IQANK1: variants seen among roughly 807,000 people sequenced by gnomAD.
IQANK1 encodes IQ motif and ankyrin repeat containing 1, also known as IQ motif and ankyrin repeat domain-containing protein 1.
Under a neutral mutation model 22.6 loss-of-function variants are expected in IQANK1, and 30 were observed. The observed-to-expected ratio is 1.33, with a 90% CI of 0.99 to 1.80. The LOEUF is 1.80. Ranked by LOEUF, IQANK1 falls within the 40% of genes most tolerant of loss-of-function variation. IQANK1 has a pLI of 0.00. For missense variants in IQANK1, 275 were observed against 235.2 expected (o/e 1.17, Z -1.11); for synonymous variants, 122 against 99.6 (o/e 1.23, Z -1.34).
intron 3 of IQANK1, among the ~76,000 whole-genome samples, chr8:143,764,661 A>G (rs7462131): frequency 0.4 from 61,396 of 152,062 alleles, 16,563 homozygotes; most frequent in African/African-American, 0.77. Context: ...AACATTTGAT[A>G]AATAATCCAA....
chr8:143,770,540 T>C (rs1554629650), intron 3 of IQANK1, among the ~76,000 whole-genome samples: 2 of 152,204 alleles, frequency 1.3e-5, no homozygotes, highest in Admixed American at 6.5e-5. Context: ...CAGTCTCGCC[T>C]CATCCCGCCA....
intron 7 of IQANK1, among the ~76,000 whole-genome samples, chr8:143,784,298 C>T (rs1819848073): frequency 6.6e-6 from 1 of 152,116 alleles, no homozygotes; most frequent in African/African-American, 2.4e-5. Flanking sequence ...AGTGAGTTCT[C>T]ATGAGATCTG....
rs1488539151 is a variant in IQANK1 at position 143,788,335 on chromosome 8, G to A, written c.790-580G>A. ...ATCACCCCTGCTCCACAGACAAGGA[G>A]GGCCAGGCACAGGAAGTCAGGGACT... is the stretch of plus-strand genomic sequence containing the variant. On this transcript the variant is annotated intron_variant, in intron 7 of 13. Transcript: ENST00000527139. Among the ~76,000 whole-genome samples, 11 of 152,352 alleles carry A rather than the reference G, an allele frequency of 7.2e-5. No individual in the cohort carries two copies. In the East Asian group the frequency reaches 2.1e-3, roughly 29 times the overall value.
chr8:143,745,154 C>T (rs1345311345), intron 3 of IQANK1: 8 of 152,266 alleles, frequency 5.3e-5, no homozygotes, highest in Admixed American at 2.0e-4. Flanking sequence ...GCCTCCTCTT[C>T]AGTTTGGCAG....
intron 3 of IQANK1, among the ~76,000 whole-genome samples, chr8:143,766,017 GTGTTC>G (rs1403312654): frequency 1.3e-5 from 2 of 152,188 alleles, no homozygotes; most frequent in Non-Finnish European, 2.9e-5. Flanking sequence ...GCTGACGTGG[GTGTTC>G]TGATTTCCCT....
At chr8:143,747,957 C>CCTTTCCTTTG (rs1563769895) in intron 3 of IQANK1, among the ~76,000 whole-genome samples, 2 of 108,930 alleles carry the variant, frequency 1.8e-5, no homozygotes, top group Non-Finnish European at 3.8e-5. Context: ...CCTTTCCTTT[C>CCTTTCCTTTG]CTTTCCTTTC....
At chr8:143,742,865 T>G (rs4074642) in intron 3 of IQANK1, 302,442 of 455,974 alleles carry the variant, frequency 0.66, 108,177 homozygotes, top group Non-Finnish European at 0.77. Context: ...GTCACGGTGC[T>G]AAGGGGCCTG....
At chr8:143,740,539 CCCT>C (rs1818879772) in intron 3 of IQANK1, among the ~76,000 whole-genome samples, 1 of 152,270 alleles carries the variant, frequency 6.6e-6, no homozygotes, top group South Asian at 2.1e-4. Context: ...CCGCTGCCTG[CCCT>C]CCTGCTTCTG....
chr8:143,741,700 A>T (rs1284069974), intron 3 of IQANK1: 1 of 152,608 alleles, frequency 6.6e-6, no homozygotes, highest in East Asian at 1.9e-4. Context: ...CACCCAGCTG[A>T]CATGCCTTCG....
Position 143,735,763 on chromosome 8 carries a change from T to G in IQANK1, c.-4-87T>G. On this transcript the variant is annotated intron_variant, in intron 1 of 13. Transcript: ENST00000527139. The surrounding 1 kb of genome is among the most constrained non-coding windows in gnomAD (Gnocchi z 5.2). ...CTGCTGTCATCCACTCAGGCGCCCA[T>G]GGTGTGCCCTGTTCCCCACTGCCAC... 1.5e-6 allele frequency: 1 copy of G among 678,348 alleles called. No individual in the cohort carries two copies. The highest frequency in any genetic ancestry group is 2.1e-5 in the Admixed American group (1 of 48,686). 42.0% of individuals were successfully genotyped at this position (678,348 alleles called of 1,614,324 possible).
chr8:143,737,875 G>A (rs1460560095), intron 2 of IQANK1, among the ~76,000 whole-genome samples: 1 of 152,234 alleles, frequency 6.6e-6, no homozygotes, highest in Admixed American at 6.5e-5. Context: ...CCTGGGCCAG[G>A]CACAGCTGGA....
intron 7 of IQANK1, among the ~76,000 whole-genome samples, chr8:143,781,611 TGTTGAA>T (rs1819799539): frequency 6.6e-6 from 1 of 152,184 alleles, no homozygotes; most frequent in African/African-American, 2.4e-5. Context: ...TTGTCAGCTT[TGTTGAA>T]GATCAGGTGG....
chr8:143,775,787 T>TACACACACACACACACAC lies in IQANK1; in HGVS notation c.789+3324_789+3341dup, dbSNP rs35665050. 2.2e-3 allele frequency among the ~76,000 whole-genome samples: 280 copies of TACACACACACACACACAC among 129,484 alleles called. 1 individual carries two copies. The highest frequency in any genetic ancestry group is 7.5e-3 in the Middle Eastern group (2 of 268). The allele number at this position is 129,484 out of a possible 152,430, so 84.9% of individuals were successfully genotyped here. A position where few individuals can be genotyped will look rare whatever the true frequency, so the allele number is the denominator to read the frequency against. On this transcript the variant is annotated intron_variant, in intron 7 of 13. Coordinates refer to ENST00000527139, the MANE Select transcript of IQANK1 (RefSeq NM_001381874.1). The stretch of plus-strand genomic sequence containing the variant: ...AAAAACAAAAAAACTATAGCTGTAT[T>TACACACACACACACACAC]ACACACACACACACACACACACACA...
In IQANK1 at chr8:143,754,308, C is replaced by T. The variant is rs117219894; in HGVS notation, c.175+14360C>T. Among the ~76,000 whole-genome samples the T allele has an allele frequency of 3.0e-4, 46 of 152,264 alleles. No individual in the cohort carries two copies. The East Asian group carries it at 6.6e-3, about 22-fold the overall frequency. On this transcript the variant is annotated intron_variant, in intron 3 of 13. Transcript: ENST00000527139. ...CTTCGTGACTATGTTATCATTCGGC[C>T]GTATCCGTGGGTCAGGAGTCCGGGC... is the stretch of plus-strand genomic sequence containing the variant.
chr8:143,781,049 T>A (rs782322586), intron 7 of IQANK1, among the ~76,000 whole-genome samples: 2 of 152,246 alleles, frequency 1.3e-5, no homozygotes, highest in African/African-American at 2.4e-5. Flanking sequence ...ATCCTCATTG[T>A]GGTTTTGATT....
intron 3 of IQANK1, among the ~76,000 whole-genome samples, chr8:143,740,993 C>T (rs1554626420): frequency 6.6e-6 from 1 of 152,206 alleles, no homozygotes; most frequent in African/African-American, 2.4e-5. Flanking sequence ...CAAGGCCAGA[C>T]TCTAGGGAAC....
At chr8:143,782,036 G>A (rs991908692) in intron 7 of IQANK1, among the ~76,000 whole-genome samples, 1 of 152,182 alleles carries the variant, frequency 6.6e-6, no homozygotes, top group Admixed American at 6.5e-5. Flanking sequence ...CACCTCCCTG[G>A]TTAGCTGTAT....
intron 3 of IQANK1, among the ~76,000 whole-genome samples, chr8:143,747,359 A>G (rs992107632): frequency 6.6e-6 from 1 of 151,810 alleles, no homozygotes; most frequent in African/African-American, 2.4e-5. Context: ...TATATTCTCT[A>G]TTTTGTCTAT....
intron 7 of IQANK1, among the ~76,000 whole-genome samples, chr8:143,785,208 T>C (rs1159272837): frequency 6.6e-6 from 1 of 152,052 alleles, no homozygotes; most frequent in African/African-American, 2.4e-5. Context: ...TTCTGCAGAT[T>C]TTTGTTTATA....
Sources: allele counts gnomAD v4.1 joint callset (sites outside exome capture counted in the v4.1 genomes callset), GRCh38; gene constraint gnomAD v4.1.1; non-coding constraint Gnocchi (gnomAD v3.1); transcripts MANE v1.5; gene names NCBI Gene and HGNC (gene_info 2026-07-23, HGNC 2026-07-21).